Variants in TRAF1 observed in about 807,000 individuals in gnomAD.
The protein encoded by TRAF1 is TNF receptor-associated factor 1.
Under a neutral mutation model 40.9 loss-of-function variants are expected in TRAF1, and 23 were observed. The ratio of observed to expected loss-of-function variants is 0.56; its 90% CI spans 0.40 to 0.80. The LOEUF is 0.80. Among genes scored for constraint, TRAF1 ranks in the 30% least tolerant of loss-of-function variants. The pLI is 0.00. For missense variants in TRAF1, 477 were observed against 528.7 expected (o/e 0.90, Z 0.96); for synonymous variants, 206 against 218.8 (o/e 0.94, Z 0.52).
intron 5 of TRAF1, among the ~76,000 whole-genome samples, chr9:120,912,631 G>C (rs1322242298): frequency 6.6e-6 from 1 of 151,744 alleles, no homozygotes; most frequent in Admixed American, 6.6e-5. Flanking sequence ...ACTCCAGCCT[G>C]GGCGACAGAG....
At chr9:120,924,630 G>A (rs1009389480) in intron 2 of TRAF1, among the ~76,000 whole-genome samples, 1 of 152,176 alleles carries the variant, frequency 6.6e-6, no homozygotes, top group Non-Finnish European at 1.5e-5. Context: ...GGCCAGGCTG[G>A]TCTCAAACTC....
intron 5 of TRAF1, among the ~76,000 whole-genome samples, chr9:120,913,124 G>A (rs1238985757): frequency 2.6e-5 from 4 of 152,216 alleles, no homozygotes; most frequent in Admixed American, 2.6e-4. Flanking sequence ...CAAAGGAACC[G>A]AAGCACTGGA....
intron 3 of TRAF1, among the ~76,000 whole-genome samples, chr9:120,916,510 C>T (rs991611684): frequency 5.9e-5 from 9 of 151,950 alleles, no homozygotes; most frequent in East Asian, 1.9e-4. Context: ...CATGGAACCA[C>T]GTGAAAGGGG....
At position 120,911,417 on chromosome 9, in the gene TRAF1, T is replaced by C; in HGVS notation, c.802A>G (p.Thr268Ala). The part of the protein sequence containing the change: ...RLMEEASFDG[T>A]FLWKITNVTR... ...ACATTGGTGATCTTCCACAGGAAAG[T>C]GCCATCGAAGGAGGCCTCCTCCATG... Residue 268 changes from threonine to alanine, a missense_variant, in exon 6 of 8, where the codon ACT becomes GCT. Thr to Ala is a moderately conservative substitution (Grantham distance 58). Transcript: ENST00000373887. 6.2e-7 allele frequency: 1 copy of C among 1,613,654 alleles called. No homozygotes were observed. The highest frequency in any genetic ancestry group is 1.1e-5 in the South Asian group (1 of 91,086).
Position 120,903,580 on chromosome 9 carries a change from CT to C in TRAF1, c.*1439del, listed in dbSNP as rs1269749550. The stretch of plus-strand genomic sequence containing the variant: ...GCTCAGCAGGTGGAGGAAGAGTAAG[CT>C]GTCAGGAAAGCAGCAGGGGAGAGTA... On this transcript the variant is annotated 3_prime_UTR_variant, in exon 8 of 8. Coordinates refer to ENST00000373887, the MANE Select transcript of TRAF1 (RefSeq NM_005658.5). 1 of 152,624 alleles carries C rather than the reference CT, an allele frequency of 6.6e-6. No individual in the cohort carries two copies. The highest frequency in any genetic ancestry group is 2.4e-5 in the African/African-American group (1 of 41,478). 9.5% of individuals were successfully genotyped at this position (152,624 alleles called of 1,614,324 possible).
At position 120,904,978 on chromosome 9, in the gene TRAF1, G is replaced by A; in HGVS notation, c.*42C>T. ...GCAGGGCATCACAGTCCTCTGGCTA[G>A]CTCCCTTCTGAGTTGGAGCTCCCTC... On this transcript the variant is annotated 3_prime_UTR_variant, in exon 8 of 8. Coordinates refer to ENST00000373887, the MANE Select transcript of TRAF1 (RefSeq NM_005658.5). The A allele has an allele frequency of 6.3e-7, 1 of 1,579,518 alleles. No homozygotes were observed. The highest frequency in any genetic ancestry group is 8.6e-7 in the Non-Finnish European group (1 of 1,158,932).
At chr9:120,921,980 G>A (rs1203557369) in intron 3 of TRAF1, among the ~76,000 whole-genome samples, 2 of 152,218 alleles carry the variant, frequency 1.3e-5, no homozygotes, top group African/African-American at 2.4e-5. Flanking sequence ...TCATTTTACA[G>A]ATACAGAAAC....
In TRAF1 at chr9:120,909,718, C is replaced by T. The variant is rs569144428; in HGVS notation, c.884-340G>A. 2.0e-5 allele frequency among the ~76,000 whole-genome samples: 3 copies of T among 152,324 alleles called. No individual in the cohort carries two copies. The South Asian group carries it at 6.2e-4, about 32-fold the overall frequency. ...TCCTAGGACCACACTCTGAGAACCA[C>T]TGATCTAACCAACCTATGTTTTACA... On this transcript the variant is annotated intron_variant, in intron 6 of 7. Coordinates refer to ENST00000373887, the MANE Select transcript of TRAF1 (RefSeq NM_005658.5).
intron 4 of TRAF1, 24 bp from the exon 5 acceptor site, chr9:120,913,762 A>C (rs2046549092): frequency 6.5e-7 from 1 of 1,530,884 alleles, no homozygotes; most frequent in Admixed American, 2.1e-5. Context: ...GGGGCTGATC[A>C]GTGAAAACAG....
rs2046449759 is a variant in TRAF1, at chr9:120,902,915, T to C, written c.*2105A>G. The stretch of plus-strand genomic sequence containing the variant: ...TGTCAATGAAGCTTTGCTGAAAGAA[T>C]GGCTGCATCTCATGCTCTTTGAAGA... On this transcript the variant is annotated 3_prime_UTR_variant, in exon 8 of 8. Coordinates refer to ENST00000373887, the MANE Select transcript of TRAF1 (RefSeq NM_005658.5). 6.6e-6 allele frequency: 1 copy of C among 152,254 alleles called. No individual in the cohort carries two copies. The highest frequency in any genetic ancestry group is 2.4e-5 in the African/African-American group (1 of 41,456). 9.4% of individuals were successfully genotyped at this position (152,254 alleles called of 1,614,324 possible).
In TRAF1 at chr9:120,905,212, G is replaced by T. The variant is rs1423790203; in HGVS notation, c.1059C>A (p.Asn353Lys). 6.2e-7 allele frequency: 1 copy of T among 1,612,960 alleles called. No homozygotes were observed. Among genetic ancestry groups the T allele is most frequent in the East Asian group, 2.2e-5 (1 of 44,852 alleles). The change falls in exon 8 of 8, where the codon AAC becomes AAA. Residue 353 changes from asparagine to lysine, a missense_variant. Coordinates refer to ENST00000373887, the MANE Select transcript of TRAF1 (RefSeq NM_005658.5). ...AGGCGTCAATGGCGTGCTCACGGTTGTTCTGGTCCAGCAGCATGAAGGTGA... is the reference window on the plus strand; with the variant it reads ...AGGCGTCAATGGCGTGCTCACGGTTTTTCTGGTCCAGCAGCATGAAGGTGA... ...NKVTFMLLDQ[N>K]NREHAIDAFR...
At chr9:120,928,894 C>T (rs1048452326), upstream of TRAF1, 1 of 152,328 alleles carries the variant, frequency 6.6e-6, no homozygotes, top group Admixed American at 6.5e-5. Context: ...GCGCCGGTGC[C>T]CGCGGAAAGA....
intron 3 of TRAF1, among the ~76,000 whole-genome samples, chr9:120,919,143 C>G (rs1271944308): frequency 1.3e-5 from 2 of 152,216 alleles, no homozygotes; most frequent in East Asian, 3.9e-4. Flanking sequence ...AGGAGAAGAA[C>G]AGAGGATCTG....
At chr9:120,914,487 A>G (rs1263641957) in intron 3 of TRAF1, 187 bp from the exon 4 acceptor site, 1 of 1,214,420 alleles carries the variant, frequency 8.2e-7, no homozygotes, top group African/African-American at 1.6e-5. Context: ...CCTTCCTTCA[A>G]AACAGGACCT....
intron 3 of TRAF1, among the ~76,000 whole-genome samples, chr9:120,922,561 AG>A (rs1409705916): frequency 6.6e-6 from 1 of 152,160 alleles, no homozygotes; most frequent in Non-Finnish European, 1.5e-5. Flanking sequence ...CCAGCTTGGG[AG>A]GGCCAGGGTT....
chr9:120,927,341 A>G (rs776631020), upstream of TRAF1: 9 of 152,212 alleles, frequency 5.9e-5, no homozygotes, highest in Non-Finnish European at 1.3e-4. Flanking sequence ...GGTCAGACAG[A>G]GCTGAGTTGA....
At position 120,911,349 on chromosome 9, in the gene TRAF1, G is replaced by A; in HGVS notation, c.870C>T (p.Ser290=). The A allele has an allele frequency of 1.2e-6, 2 of 1,613,242 alleles. No individual in the cohort carries two copies. Among genetic ancestry groups the A allele is most frequent in the Non-Finnish European group, 1.7e-6 (2 of 1,179,866 alleles). The change falls in exon 6 of 8, where the codon AGC becomes AGT. Residue 290 remains serine (S), a synonymous_variant. Transcript: ENST00000373887. Reference sequence around the variant, plus strand: ...GGGAGGTGTTACCTGGGGAGAAGAGGCTGACGGTCCTGCCACAGGCCGACT... The same window carrying A: ...GGGAGGTGTTACCTGGGGAGAAGAGACTGACGGTCCTGCCACAGGCCGACT... ...CHESACGRTV[S]LFSPAFYTAK...
chr9:120,913,986 A>AG (rs2046550826), intron 4 of TRAF1, among the ~76,000 whole-genome samples: 1 of 151,924 alleles, frequency 6.6e-6, no homozygotes, highest in African/African-American at 2.4e-5. Context: ...GACCATGGAG[A>AG]GGGGCATTGG....
At position 120,913,724 on chromosome 9, in the gene TRAF1, A is replaced by C. The variant is rs778493036; in HGVS notation, c.309T>G (p.Ser103=). 4.4e-6 allele frequency: 7 copies of C among 1,573,608 alleles called. No homozygotes were observed. In the South Asian group the frequency reaches 5.8e-5, roughly 13 times the overall value. ...GGGAGGTGACCTCATGCTCTTGCAC[A>C]GACTGTGGGCTTCCCTGACAAGAGA... ...VGCSFKGSPQ[S]VQEHEVTSQT... Residue 103 remains serine, a synonymous_variant, in exon 5 of 8, where the codon TCT becomes TCG. Transcript: ENST00000373887.
Sources: gnomAD v4.1 joint callset for allele counts (sites outside exome capture counted in the v4.1 genomes callset) on GRCh38, gnomAD v4.1.1 for gene constraint, MANE v1.5 for transcripts, NCBI Gene and HGNC (gene_info 2026-07-23, HGNC 2026-07-21) for gene names.